The following LINGO2 variants were observed in gnomAD, a reference collection of about 807,000 sequenced individuals.
LINGO2 encodes the protein leucine-rich repeat and immunoglobulin-like domain-containing nogo receptor-interacting protein 2.
A neutral mutation model predicts 30.6 loss-of-function variants in LINGO2; 14 were observed. The ratio of observed to expected loss-of-function variants is 0.46; its 90% CI spans 0.30 to 0.72. The LOEUF is 0.72. Ranked by LOEUF, LINGO2 falls within the 30% of genes least tolerant of loss-of-function variation. The probability of loss-of-function intolerance (pLI) is 0.07; values close to 1 mark genes in which losing one functional copy is unlikely to be tolerated. For missense variants in LINGO2, 729 were observed against 751.7 expected (o/e 0.97, Z 0.35); for synonymous variants, 317 against 288.5 (o/e 1.10, Z -1.00).
At chr9:28,326,676 G>A (rs565016631) in intron 3 of LINGO2, among the ~76,000 whole-genome samples, 3 of 152,142 alleles carry the variant, frequency 2.0e-5, no homozygotes, top group Admixed American at 1.3e-4. Context: ...TCTAAGACAT[G>A]GTATATACTT....
At chr9:28,631,165 A>AT (rs1306715176) in intron 1 of LINGO2, among the ~76,000 whole-genome samples, 5 of 151,710 alleles carry the variant, frequency 3.3e-5, no homozygotes, top group South Asian at 2.1e-4. Flanking sequence ...TTATTTATTT[A>AT]TTTTTTTATT....
intron 2 of LINGO2, among the ~76,000 whole-genome samples, chr9:28,425,660 C>A (rs10125375): frequency 0.16 from 24,779 of 151,864 alleles, 2,694 homozygotes; most frequent in African/African-American, 0.3. Flanking sequence ...TAGTAGAAAT[C>A]AAATCCAATG....
intron 3 of LINGO2, among the ~76,000 whole-genome samples, chr9:28,362,236 G>A (rs1045462715): frequency 2.6e-5 from 4 of 152,044 alleles, no homozygotes; most frequent in Non-Finnish European, 5.9e-5. Context: ...GTGTGCGCAT[G>A]CGCATGTGTG....
chr9:27,974,603 G>T (rs913144475), intron 5 of LINGO2, among the ~76,000 whole-genome samples: 11 of 152,012 alleles, frequency 7.2e-5, no homozygotes, highest in African/African-American at 2.7e-4. Flanking sequence ...TTTATTCAGG[G>T]CTTGTTATAA....
At chr9:28,237,415 T>C (rs10968403) in intron 4 of LINGO2, among the ~76,000 whole-genome samples, 57,419 of 151,400 alleles carry the variant, frequency 0.38, 11,125 homozygotes, top group South Asian at 0.45. Flanking sequence ...AAAGAAATAA[T>C]AAAATGGCAG....
At chr9:29,020,028 T>C in the LINGO2 span, among the ~76,000 whole-genome samples, 1 of 152,220 alleles carries the variant, frequency 6.6e-6, no homozygotes, top group Non-Finnish European at 1.5e-5. Flanking sequence ...TAGCATGTGA[T>C]GGCTGAAGGC....
chr9:29,189,246 G>A, the LINGO2 span, among the ~76,000 whole-genome samples: 1 of 150,970 alleles, frequency 6.6e-6, no homozygotes, highest in Admixed American at 6.6e-5. Flanking sequence ...TCACCTCCCG[G>A]ACGGGGCGGC....
intron 4 of LINGO2, among the ~76,000 whole-genome samples, chr9:28,253,828 G>A (rs10124259): frequency 0.046 from 6,952 of 152,056 alleles, 515 homozygotes; most frequent in African/African-American, 0.16. Context: ...GCGGGTCCCC[G>A]GAAAAACTCC....
the LINGO2 span, among the ~76,000 whole-genome samples, chr9:29,086,210 T>C: frequency 1.3e-5 from 2 of 152,184 alleles, no homozygotes; most frequent in Non-Finnish European, 2.9e-5. Context: ...GATATTCTTC[T>C]CATGAGGACC....
At chr9:28,879,724 A>G in the LINGO2 span, among the ~76,000 whole-genome samples, 2 of 152,130 alleles carry the variant, frequency 1.3e-5, no homozygotes, top group Non-Finnish European at 2.9e-5. Flanking sequence ...TATGTGTAGA[A>G]ATGGTTGACT....
the LINGO2 span, among the ~76,000 whole-genome samples, chr9:29,188,847 T>G: frequency 9.3e-6 from 1 of 107,428 alleles, no homozygotes; most frequent in East Asian, 3.2e-4. Flanking sequence ...CCCCGCCACC[T>G]TCCTCCCAGA....
chr9:28,289,880 T>C (rs1177452418), intron 4 of LINGO2, among the ~76,000 whole-genome samples: 2 of 152,158 alleles, frequency 1.3e-5, no homozygotes, highest in African/African-American at 4.8e-5. Context: ...TCCCTCCACA[T>C]TGTAATTCAG....
chr9:28,472,732 A>G (rs1227599549), intron 2 of LINGO2, among the ~76,000 whole-genome samples: 2 of 151,920 alleles, frequency 1.3e-5, no homozygotes, highest in African/African-American at 4.8e-5. Context: ...CATACTGGTC[A>G]TATGTTTTCT....
intron 2 of LINGO2, among the ~76,000 whole-genome samples, chr9:28,404,292 C>T (rs1441352905): frequency 6.6e-6 from 1 of 151,622 alleles, no homozygotes; most frequent in African/African-American, 2.4e-5. Context: ...TTGCTCTTTT[C>T]TATAAAAGAT....
the LINGO2 span, among the ~76,000 whole-genome samples, chr9:28,717,977 A>G: frequency 2.0e-5 from 3 of 152,212 alleles, no homozygotes; most frequent in East Asian, 5.8e-4. Flanking sequence ...CCAGCGATAC[A>G]GTTAATGAAA....
At chr9:28,045,922 GAT>G (rs1824400387) in intron 4 of LINGO2, among the ~76,000 whole-genome samples, 2 of 152,156 alleles carry the variant, frequency 1.3e-5, no homozygotes, top group African/African-American at 4.8e-5. Flanking sequence ...GTTTGATGAT[GAT>G]GAAAAGCAAA....
At chr9:28,984,268 G>T in the LINGO2 span, among the ~76,000 whole-genome samples, 4 of 152,068 alleles carry the variant, frequency 2.6e-5, no homozygotes, top group South Asian at 2.1e-4. Context: ...TTTTCATAAA[G>T]GTGGAGAGTG....
intron 4 of LINGO2, among the ~76,000 whole-genome samples, chr9:28,134,614 A>G (rs548245748): frequency 1.3e-5 from 2 of 152,344 alleles, no homozygotes; most frequent in East Asian, 3.9e-4. Context: ...CTCTAAGAGT[A>G]AGGAATCCCC....
chr9:28,054,431 C>G (rs1387121839), intron 4 of LINGO2, among the ~76,000 whole-genome samples: 1 of 152,010 alleles, frequency 6.6e-6, no homozygotes, highest in Non-Finnish European at 1.5e-5. Flanking sequence ...GTCTGGATCT[C>G]CACGTTACTG....
Sources: gnomAD v4.1 joint callset for allele counts (sites outside exome capture counted in the v4.1 genomes callset) on GRCh38, gnomAD v4.1.1 for gene constraint, MANE v1.5 for transcripts, NCBI Gene and HGNC (gene_info 2026-07-23, HGNC 2026-07-21) for gene names.